ULK4: variants seen among roughly 807,000 people sequenced by gnomAD.
ULK4 encodes unc-51 like kinase 4.
ULK4 carries 133 observed loss-of-function variants against 160.6 expected under a neutral mutation model. That is an observed-to-expected ratio of 0.83 (90% confidence interval 0.72 to 0.96). The LOEUF is 0.96. Among genes scored for constraint, ULK4 ranks in the 40% least tolerant of loss-of-function variants. The pLI, the probability that ULK4 is intolerant of heterozygous loss-of-function variation, is 0.00. For missense variants in ULK4, 1,580 were observed against 1,499.5 expected, an observed-to-expected ratio of 1.05 and a Z score of -0.89; for synonymous variants, 534 against 539.8, an observed-to-expected ratio of 0.99 and a Z score of 0.15.
At chr3:41,301,338 T>C (rs2079792129) in intron 35 of ULK4, among the ~76,000 whole-genome samples, 1 of 151,992 alleles carries the variant, frequency 6.6e-6, no homozygotes. Flanking sequence ...TTAGGGGAAA[T>C]GTGCATTTCA....
intron 30 of ULK4, among the ~76,000 whole-genome samples, chr3:41,622,493 G>A (rs1443482893): frequency 6.6e-6 from 1 of 152,098 alleles, no homozygotes; most frequent in Non-Finnish European, 1.5e-5. Flanking sequence ...ACTAACACAG[G>A]AACAGAAAAC....
At chr3:41,574,301 C>G (rs1196299927) in intron 31 of ULK4, among the ~76,000 whole-genome samples, 1 of 152,144 alleles carries the variant, frequency 6.6e-6, no homozygotes, top group Non-Finnish European at 1.5e-5. Context: ...GCTTGCCCAG[C>G]CACCAGCCAC....
At chr3:41,885,394 C>T (rs1317884670) in intron 16 of ULK4, among the ~76,000 whole-genome samples, 1 of 152,092 alleles carries the variant, frequency 6.6e-6, no homozygotes, top group Non-Finnish European at 1.5e-5. Context: ...TTACCAAAAT[C>T]CTAAATACAA....
At chr3:41,312,292 G>A (rs2080066400) in intron 35 of ULK4, among the ~76,000 whole-genome samples, 1 of 152,064 alleles carries the variant, frequency 6.6e-6, no homozygotes, top group South Asian at 2.1e-4. Context: ...TACAAAAAAT[G>A]ATCACATACT....
At chr3:41,419,343 GCCTGCAA>G (rs1194887996) in intron 34 of ULK4, among the ~76,000 whole-genome samples, 1 of 152,094 alleles carries the variant, frequency 6.6e-6, no homozygotes, top group Non-Finnish European at 1.5e-5. Context: ...ATAACATGGA[GCCTGCAA>G]AAAGGTCAAT....
chr3:41,453,290 C>T (rs2083464189), intron 34 of ULK4, among the ~76,000 whole-genome samples: 1 of 152,174 alleles, frequency 6.6e-6, no homozygotes, highest in African/African-American at 2.4e-5. Context: ...ATCCTCAAGC[C>T]TCAGCCTCCC....
chr3:41,721,814 T>C (rs1013263861), intron 22 of ULK4, among the ~76,000 whole-genome samples: 5 of 152,214 alleles, frequency 3.3e-5, no homozygotes, highest in African/African-American at 9.6e-5. Flanking sequence ...TTGTAAGATT[T>C]ATGCTTTCCC....
At chr3:41,497,664 A>G (rs904339627) in intron 32 of ULK4, among the ~76,000 whole-genome samples, 7 of 152,194 alleles carry the variant, frequency 4.6e-5, no homozygotes, top group Non-Finnish European at 8.8e-5. Flanking sequence ...TGATGATATA[A>G]GGGTCATCAA....
intron 34 of ULK4, among the ~76,000 whole-genome samples, chr3:41,420,468 G>GTTTTTTTT (rs1559588075): frequency 1.1e-5 from 1 of 90,048 alleles, no homozygotes; most frequent in African/African-American, 4.6e-5. Flanking sequence ...CAGTTTTCCA[G>GTTTTTTTT]TTCTTTCTTT....
intron 35 of ULK4, among the ~76,000 whole-genome samples, chr3:41,267,475 C>T (rs956615569): frequency 4.6e-5 from 7 of 152,132 alleles, no homozygotes; most frequent in East Asian, 1.9e-4. Context: ...AATAAACATA[C>T]GTGTGCATGT....
chr3:41,771,146 C>T (rs1162096817), intron 21 of ULK4, among the ~76,000 whole-genome samples: 1 of 152,170 alleles, frequency 6.6e-6, no homozygotes. Flanking sequence ...TCCCTACTCC[C>T]TTGCGTGCCT....
chr3:41,726,490 C>G (rs79935084), intron 22 of ULK4, among the ~76,000 whole-genome samples: 2,411 of 152,328 alleles, frequency 0.016, 66 homozygotes, highest in African/African-American at 0.053. Flanking sequence ...CACAAGCGTT[C>G]TACGAAAAGC....
chr3:41,469,617 A>C lies in ULK4; in HGVS notation c.3227-6364T>G, dbSNP rs1397448000. On this transcript the variant is annotated intron_variant, in intron 32 of 36. Coordinates refer to ENST00000301831, the MANE Select transcript of ULK4 (RefSeq NM_017886.4). ...CTACACCTGCCAAAAAAAAAAAAAA[A>C]AAAAAAAAAACACCTTAAAAGCCTA... Among the ~76,000 whole-genome samples, 8 of 148,522 alleles carry C rather than the reference A, an allele frequency of 5.4e-5. 1 individual carries two copies. Among genetic ancestry groups the C allele is most frequent in the Admixed American group, 2.7e-4 (4 of 14,944 alleles).
At chr3:41,438,390 C>G (rs932010621) in intron 34 of ULK4, among the ~76,000 whole-genome samples, 1 of 152,088 alleles carries the variant, frequency 6.6e-6, no homozygotes, top group African/African-American at 2.4e-5. Context: ...AGGGGTAAAG[C>G]TGACAACTAT....
intron 35 of ULK4, among the ~76,000 whole-genome samples, chr3:41,288,277 T>A (rs1661205721): frequency 6.6e-6 from 1 of 152,148 alleles, no homozygotes; most frequent in Non-Finnish European, 1.5e-5. Context: ...TATCCACTCC[T>A]CCTTCACACA....
At chr3:41,395,590 A>G (rs1575508818) in intron 35 of ULK4, among the ~76,000 whole-genome samples, 1 of 152,134 alleles carries the variant, frequency 6.6e-6, no homozygotes, top group South Asian at 2.1e-4. Context: ...ATAGAAACAG[A>G]AAGTCGAATG....
At chr3:41,633,433 G>A (rs1261472320) in intron 30 of ULK4, among the ~76,000 whole-genome samples, 3 of 152,140 alleles carry the variant, frequency 2.0e-5, no homozygotes, top group Admixed American at 2.0e-4. Context: ...TATAATGGCA[G>A]AGTTAAGTAG....
chr3:41,635,470 C>T (rs2033917020), intron 30 of ULK4, among the ~76,000 whole-genome samples: 1 of 151,918 alleles, frequency 6.6e-6, no homozygotes, highest in Admixed American at 6.6e-5. Flanking sequence ...ATTAATGTTA[C>T]ATTTAGAAAA....
chr3:41,941,339 G>GGAA (rs370240236), intron 2 of ULK4, among the ~76,000 whole-genome samples: 13 of 101,234 alleles, frequency 1.3e-4, no homozygotes, highest in East Asian at 3.5e-4. Context: ...TGCCCAGCTT[G>GGAA]AAAAAAAAAA....
Sources: allele counts gnomAD v4.1 joint callset (sites outside exome capture counted in the v4.1 genomes callset), GRCh38; gene constraint gnomAD v4.1.1; transcripts MANE v1.5; gene names NCBI Gene and HGNC (gene_info 2026-07-23, HGNC 2026-07-21).